The following INSL6 variants were observed in gnomAD, a reference collection of about 807,000 sequenced individuals.
The protein encoded by INSL6 is insulin-like peptide INSL6.
In INSL6, 16 loss-of-function variants were observed where a neutral mutation model predicts 9.4. That is an observed-to-expected ratio of 1.70 (90% CI 1.15 to 2.59). The LOEUF (loss-of-function observed/expected upper bound fraction) is 2.59. Ranked by LOEUF, INSL6 falls within the 30% of genes most tolerant of loss-of-function variation. The probability of loss-of-function intolerance (pLI) is 0.00; values close to 1 mark genes in which losing one functional copy is unlikely to be tolerated. For missense variants in INSL6, 391 were observed against 257.3 expected, an observed-to-expected ratio of 1.52 and a Z score of -3.56; for synonymous variants, 154 against 96.9, an observed-to-expected ratio of 1.59 and a Z score of -3.46.
At chr9:5,128,159 A>G (rs1222745990) in intron 3 of INSL6, 3 of 232,102 alleles carry the variant, frequency 1.3e-5, no homozygotes, top group African/African-American at 4.4e-5. Flanking sequence ...TGTTTTGATT[A>G]AAAAGAAAAT....
chr9:5,081,455 AAGTATC>A, the INSL6 span, among the ~76,000 whole-genome samples: 2 of 152,150 alleles, frequency 1.3e-5, no homozygotes, highest in Non-Finnish European at 2.9e-5. Context: ...TTCTCACAAT[AAGTATC>A]AGTATATTAC....
At chr9:5,136,980 G>A (rs560394431) in intron 2 of INSL6, among the ~76,000 whole-genome samples, 93 of 152,034 alleles carry the variant, frequency 6.1e-4, no homozygotes, top group African/African-American at 2.1e-3. Context: ...ACCAATAACA[G>A]ACAAACAGCC....
the INSL6 span, among the ~76,000 whole-genome samples, chr9:5,033,886 A>T: frequency 3.3e-5 from 5 of 152,206 alleles, no homozygotes; most frequent in Non-Finnish European, 7.3e-5. Context: ...ATTCACCCAT[A>T]ACAATATTAA....
chr9:5,043,909 C>T, the INSL6 span, among the ~76,000 whole-genome samples: 5 of 152,118 alleles, frequency 3.3e-5, no homozygotes, highest in African/African-American at 7.2e-5. Flanking sequence ...AAACTAAAAA[C>T]ATTGAATTTT....
downstream of INSL6, among the ~76,000 whole-genome samples, chr9:5,162,619 G>A (rs543489829): frequency 4.7e-4 from 71 of 152,218 alleles, no homozygotes; most frequent in Admixed American, 1.0e-3. Flanking sequence ...CCACTGAACC[G>A]TAATATAATC....
At chr9:5,017,309 C>G in the INSL6 span, among the ~76,000 whole-genome samples, 3 of 151,984 alleles carry the variant, frequency 2.0e-5, no homozygotes, top group Admixed American at 2.0e-4. Context: ...AAGGAAGACC[C>G]AAAACAATGA....
chr9:5,063,060 T>C, the INSL6 span, among the ~76,000 whole-genome samples: 3 of 152,194 alleles, frequency 2.0e-5, no homozygotes, highest in Admixed American at 6.5e-5. Flanking sequence ...GTTAGCTAAA[T>C]ACCTTTTATA....
the INSL6 span, among the ~76,000 whole-genome samples, chr9:5,030,715 C>A: frequency 1.3e-5 from 2 of 151,874 alleles, no homozygotes; most frequent in Non-Finnish European, 2.9e-5. Flanking sequence ...TATTATTGTG[C>A]CTATCACTTG....
At chr9:5,139,991 G>T (rs369722241) in intron 2 of INSL6, among the ~76,000 whole-genome samples, 1 of 151,984 alleles carries the variant, frequency 6.6e-6, no homozygotes, top group African/African-American at 2.4e-5. Flanking sequence ...TCTTTAGAAA[G>T]CATTACAAAG....
chr9:5,078,253 G>C, the INSL6 span: 1 of 1,442,928 alleles, frequency 6.9e-7, no homozygotes, highest in Non-Finnish European at 9.6e-7. Context: ...CATACTAAAT[G>C]CTCCAGTACT....
the INSL6 span, chr9:5,073,552 T>C: frequency 2.9e-5 from 19 of 649,358 alleles, no homozygotes; most frequent in Non-Finnish European, 4.9e-5. Context: ...CAGGTCCATA[T>C]AAAGGGACCA....
chr9:5,103,917 AGT>A, the INSL6 span, among the ~76,000 whole-genome samples: 2 of 152,244 alleles, frequency 1.3e-5, no homozygotes, highest in Non-Finnish European at 2.9e-5. Context: ...TATTTAAGGC[AGT>A]GTGTAGAGGG....
At chr9:5,091,094 T>C in the INSL6 span, 1,079 of 473,926 alleles carry the variant, frequency 2.3e-3, 15 homozygotes, top group Non-Finnish European at 3.3e-4. Context: ...CGTGGGAAAA[T>C]GGCATATGCT....
the INSL6 span, among the ~76,000 whole-genome samples, chr9:5,020,186 G>C: frequency 3.3e-5 from 5 of 152,172 alleles, no homozygotes; most frequent in Non-Finnish European, 7.4e-5. Flanking sequence ...GCGATTGGCT[G>C]GGTAGGCAAG....
At position 5,153,735 on chromosome 9, in the gene INSL6, G is replaced by A. The variant is rs536242722; in HGVS notation, c.376+10444C>T. 2.0e-5 allele frequency among the ~76,000 whole-genome samples: 3 copies of A among 152,258 alleles called. No homozygotes were observed. In the East Asian group the frequency reaches 5.8e-4, roughly 29 times the overall value. The stretch of plus-strand genomic sequence containing the variant: ...GTCCCATTCACAACTGCTACTAAGA[G>A]AATGTAATACCTAGGAATACAACTT... On this transcript the variant is annotated intron_variant, in intron 2 of 3. Transcript: ENST00000649639.
downstream of INSL6, chr9:5,122,962 T>C (rs1217552921): frequency 1.6e-6 from 2 of 1,272,902 alleles, no homozygotes; most frequent in Non-Finnish European, 2.2e-6. Context: ...AGAGTCCACA[T>C]ATCAAGTAAC....
At chr9:5,183,480 G>C (rs879869097) in intron 1 of INSL6, among the ~76,000 whole-genome samples, 2 of 152,202 alleles carry the variant, frequency 1.3e-5, no homozygotes, top group Non-Finnish European at 2.9e-5. Flanking sequence ...TTCCAGGGGA[G>C]TGTGAATAAT....
At chr9:5,088,830 A>G in the INSL6 span, among the ~76,000 whole-genome samples, 2 of 152,184 alleles carry the variant, frequency 1.3e-5, no homozygotes, top group Non-Finnish European at 2.9e-5. Flanking sequence ...TTGTCACATT[A>G]GAGTTCCACC....
At chr9:5,089,600 A>G in the INSL6 span, 1 of 568,204 alleles carries the variant, frequency 1.8e-6, no homozygotes, top group Non-Finnish European at 2.7e-6. Flanking sequence ...AGAATTTTCT[A>G]TATAATTATA....
Sources: gnomAD v4.1 joint callset for allele counts (sites outside exome capture counted in the v4.1 genomes callset) on GRCh38, gnomAD v4.1.1 for gene constraint, MANE v1.5 for transcripts, NCBI Gene and HGNC (gene_info 2026-07-23, HGNC 2026-07-21) for gene names.